Variants in SERF2 observed in about 807,000 individuals in gnomAD.
SERF2 encodes gastric cancer-related protein VRG107.
In SERF2, 4 loss-of-function variants were observed where a neutral mutation model predicts 10.7. That is an observed-to-expected ratio of 0.37 (90% CI 0.18 to 0.86). The LOEUF (loss-of-function observed/expected upper bound fraction) is 0.86, where lower values mean the gene tolerates loss of function less well. Among genes scored for constraint, SERF2 ranks in the 40% least tolerant of loss-of-function variants. SERF2 has a pLI of 0.43. For synonymous variants in SERF2, 26 were observed against 26.0 expected (o/e 1.00, Z 0.01); for missense variants, 47 against 79.1 (o/e 0.59, Z 1.54).
chr15:43,792,173 G>T, upstream of SERF2: 1 of 602,574 alleles, frequency 1.7e-6, no homozygotes, highest in East Asian at 2.8e-5. Context: ...CTCCGCCTGC[G>T]ACCCTCCGCC....
In SERF2 at chr15:43,783,927, A is replaced by ATTTTTTTTTTTT. The variant is rs71111825; in HGVS notation, c.-526-1465_-526-1454dup. Among the ~76,000 whole-genome samples, 72 of 48,150 alleles carry ATTTTTTTTTTTT rather than the reference A, an allele frequency of 1.5e-3. 1 individual carries two copies. Among genetic ancestry groups the ATTTTTTTTTTTT allele is most frequent in the East Asian group, 4.9e-3 (6 of 1,234 alleles). 31.6% of individuals were successfully genotyped at this position (48,150 alleles called of 152,430 possible). A position where few individuals can be genotyped will look rare whatever the true frequency, so the allele number is the denominator to read the frequency against. ...CAAGCGGGTGCCACCACGCCCAGCT[A>ATTTTTTTTTTTT]TTTTTTTTTTTTTTTTTTTTTTTTT... On this transcript the variant is annotated intron_variant, in intron 1 of 4. Coordinates refer to the SERF2 transcript ENST00000381359.
rs1409726324 is a variant in SERF2 at position 43,794,935 on chromosome 15, GA to G, written c.*1163del. The G allele has an allele frequency of 2.3e-6, 3 of 1,315,516 alleles. No homozygotes were observed. The highest frequency in any genetic ancestry group is 3.2e-6 in the Non-Finnish European group (3 of 941,096). The allele number at this position is 1,315,516 out of a possible 1,614,324, so 81.5% of individuals were successfully genotyped here. A position where few individuals can be genotyped will look rare whatever the true frequency, so the allele number is the denominator to read the frequency against. ...GTCCTTGAGGTATTGAGCTGGGCTG[GA>G]CAGCTCCCCTTGAGCCAACTCTAGG... is the stretch of plus-strand genomic sequence containing the variant. On this transcript the variant is annotated 3_prime_UTR_variant, in exon 3 of 3. Transcript: ENST00000249786.
At chr15:43,792,901 G>C (rs1047575693) in intron 1 of SERF2, 74 bp from the exon 2 acceptor site, 2 of 1,095,432 alleles carry the variant, frequency 1.8e-6, no homozygotes, top group African/African-American at 3.1e-5. Context: ...GCTGCTGGCC[G>C]CGCTGGGGTA....
In SERF2 at chr15:43,794,257, A is replaced by G; in HGVS notation, c.*484A>G. 2.8e-6 allele frequency: 1 copy of G among 355,792 alleles called. No individual in the cohort carries two copies. Among genetic ancestry groups the G allele is most frequent in the Non-Finnish European group, 5.1e-6 (1 of 196,084 alleles). The allele number at this position is 355,792 out of a possible 1,614,324, so 22.0% of individuals were successfully genotyped here. On this transcript the variant is annotated 3_prime_UTR_variant, in exon 3 of 3. Transcript: ENST00000249786. ...GAGGAATCCTCTAAGAACCATAGAG[A>G]CTTCTTTTCTGTGATTTTTGTTCCC... is the stretch of plus-strand genomic sequence containing the variant.
chr15:43,793,921 G>T lies in SERF2; in HGVS notation c.*148G>T. 6.4e-7 allele frequency: 1 copy of T among 1,568,088 alleles called. No homozygotes were observed. On this transcript the variant is annotated 3_prime_UTR_variant, in exon 3 of 3. Transcript: ENST00000249786. ...TGAGTCTGCAGCGGGTCCCTTTTGT[G>T]CTTCCTTCCCCTCAGGTAGCCTCTC... is the stretch of plus-strand genomic sequence containing the variant.
At chr15:43,792,081 C>G (rs2087071025), upstream of SERF2, 1 of 520,732 alleles carries the variant, frequency 1.9e-6, no homozygotes, top group Admixed American at 3.2e-5. Flanking sequence ...CCCTCCACCC[C>G]CAACCTGCCC....
At chr15:43,791,749 A>C (rs1213119191), upstream of SERF2, 2 of 154,374 alleles carry the variant, frequency 1.3e-5, no homozygotes, top group African/African-American at 2.4e-5. Context: ...AGGAAATACC[A>C]GATGTTGCTG....
rs149421361 is a variant in SERF2, at chr15:43,781,871, C to A, written c.-526-3539C>A. 2.6e-3 allele frequency among the ~76,000 whole-genome samples: 380 copies of A among 148,626 alleles called. 9 individuals carry two copies. The East Asian group carries it at 0.057, about 22-fold the overall frequency. ...TGCTGGGATTACAGGTGTGAGCCAC[C>A]GCACCTGGTCCTACTTCTTCTTCTT... is the stretch of plus-strand genomic sequence containing the variant. On this transcript the variant is annotated intron_variant, in intron 1 of 4. Transcript: ENST00000381359.
intron 1 of SERF2, among the ~76,000 whole-genome samples, chr15:43,780,243 C>G (rs574520147): frequency 1.6e-4 from 24 of 152,142 alleles, no homozygotes; most frequent in African/African-American, 5.8e-4. Flanking sequence ...AGGTTCACGC[C>G]ATTCTCCTGC....
At chr15:43,786,909 C>T (rs530990438) in intron 2 of SERF2, among the ~76,000 whole-genome samples, 1 of 152,234 alleles carries the variant, frequency 6.6e-6, no homozygotes, top group Admixed American at 6.5e-5. Context: ...TTGGTCTGAT[C>T]AGGCTAATTT....
At chr15:43,790,402 G>A (rs1453556316), upstream of SERF2, among the ~76,000 whole-genome samples, 1 of 152,112 alleles carries the variant, frequency 6.6e-6, no homozygotes, top group Non-Finnish European at 1.5e-5. Context: ...GGGAGAGAGA[G>A]AAAGTGTGAG....
chr15:43,781,120 T>C (rs886690186), intron 1 of SERF2, among the ~76,000 whole-genome samples: 2 of 152,188 alleles, frequency 1.3e-5, no homozygotes, highest in African/African-American at 2.4e-5. Flanking sequence ...ATAACTGAGA[T>C]GGCTACTAAG....
At position 43,792,320 on chromosome 15, in the gene SERF2, A is replaced by G; in HGVS notation, c.-57A>G. ...CGTTGCCAGAAGGGGCGGGACCTGC[A>G]ACGTCCGACAGAACGAGGGGACGTA... is the stretch of plus-strand genomic sequence containing the variant. On this transcript the variant is annotated 5_prime_UTR_variant, in exon 1 of 3. Coordinates refer to ENST00000249786, the MANE Select transcript of SERF2 (RefSeq NM_001018108.4). 6.9e-7 allele frequency: 1 copy of G among 1,452,114 alleles called. No individual in the cohort carries two copies. The highest frequency in any genetic ancestry group is 2.3e-5 in the East Asian group (1 of 44,046). 90.0% of individuals were successfully genotyped at this position (1,452,114 alleles called of 1,614,324 possible).
rs201862042 is a variant in SERF2 at position 43,792,370 on chromosome 15, C to A, written c.-7C>A. 2 of 1,611,480 alleles carry A rather than the reference C, an allele frequency of 1.2e-6. No individual in the cohort carries two copies. The highest frequency in any genetic ancestry group is 1.3e-5 in the African/African-American group (1 of 74,896). ...AACGGAGGCAGGTTGGAGCCGCTGC[C>A]GTCGCCATGACCCGTGAGCACCGAG... On this transcript the variant is annotated 5_prime_UTR_variant, in exon 1 of 3. Coordinates refer to ENST00000249786, the MANE Select transcript of SERF2 (RefSeq NM_001018108.4).
Position 43,794,896 on chromosome 15 carries a change from A to G in SERF2, c.*1123A>G, listed in dbSNP as rs755103256. 4.6e-6 allele frequency: 4 copies of G among 861,384 alleles called. No individual in the cohort carries two copies. The highest frequency in any genetic ancestry group is 7.3e-6 in the Non-Finnish European group (4 of 548,202). 53.4% of individuals were successfully genotyped at this position (861,384 alleles called of 1,614,324 possible). ...AGTATTGACTTCAGCCCAAACGGAG[A>G]TAACTCCCTGTGTGTCCTTGAGGTA... is the stretch of plus-strand genomic sequence containing the variant. On this transcript the variant is annotated 3_prime_UTR_variant, in exon 3 of 3. Transcript: ENST00000249786.
At chr15:43,777,336 A>T (rs981562149) in exon 1 of SERF2, 1 of 341,386 alleles carries the variant, frequency 2.9e-6, no homozygotes, top group Non-Finnish European at 5.9e-6. Flanking sequence ...GGGGCGGGAG[A>T]AAGGGCCTGG....
Position 43,780,393 on chromosome 15 carries a change from C to T in SERF2, c.-527+2891C>T, listed in dbSNP as rs149664887. ...TCCTGACCTCGTGATCCGCCCACCT[C>T]GGCCTCCCAAAGTGCTGGGATTACA... On this transcript the variant is annotated intron_variant, in intron 1 of 4. Coordinates refer to the SERF2 transcript ENST00000381359. Among the ~76,000 whole-genome samples, 418 of 152,286 alleles carry T rather than the reference C, an allele frequency of 2.7e-3. 12 individuals are homozygous for T. The East Asian group carries it at 0.076, about 28-fold the overall frequency.
chr15:43,793,112 C>T (rs1332299065), intron 2 of SERF2, 29 bp downstream of exon 2: 7 of 1,434,988 alleles, frequency 4.9e-6, no homozygotes, highest in East Asian at 2.3e-5. Flanking sequence ...GGGAAAGGGA[C>T]GGTGGAGACC....
intron 1 of SERF2, 173 bp downstream of exon 1, chr15:43,792,556 ACTTCAC>A: frequency 6.7e-7 from 1 of 1,485,690 alleles, no homozygotes. Flanking sequence ...GCCCACGGCT[ACTTCAC>A]GGGACCACCC....
Sources: gnomAD v4.1 joint callset for allele counts (sites outside exome capture counted in the v4.1 genomes callset) on GRCh38, gnomAD v4.1.1 for gene constraint, MANE v1.5 for transcripts, NCBI Gene and HGNC (gene_info 2026-07-23, HGNC 2026-07-21) for gene names.